Variants in PXDN observed in about 807,000 individuals in gnomAD.
PXDN encodes peroxidasin homolog.
In PXDN, 77 loss-of-function variants were observed where a neutral mutation model predicts 140.3. That is an observed-to-expected ratio of 0.55 (90% CI 0.46 to 0.66). The LOEUF (loss-of-function observed/expected upper bound fraction) is 0.66, where lower values mean the gene tolerates loss of function less well. Ranked by LOEUF, PXDN falls within the 30% of genes least tolerant of loss-of-function variation. The pLI, the probability that PXDN is intolerant of heterozygous loss-of-function variation, is 0.00. For missense variants in PXDN, 1,838 were observed against 2,039.5 expected, an observed-to-expected ratio of 0.90 and a Z score of 1.90; for synonymous variants, 911 against 857.4, an observed-to-expected ratio of 1.06 and a Z score of -1.09.
intron 18 of PXDN, among the ~76,000 whole-genome samples, chr2:1,643,925 A>C (rs1003628454): frequency 1.3e-5 from 2 of 151,846 alleles, no homozygotes; most frequent in African/African-American, 4.8e-5. Context: ...ACAAAAAATT[A>C]GCCGGGTGTG....
chr2:1,716,011 AG>A (rs2125474520), intron 1 of PXDN, among the ~76,000 whole-genome samples: 1 of 152,310 alleles, frequency 6.6e-6, no homozygotes, highest in African/African-American at 2.4e-5. Flanking sequence ...ATTTGACGGC[AG>A]GTGGTGGAGT....
At chr2:1,744,711 G>T (rs1353730288), upstream of PXDN, 1 of 304,928 alleles carries the variant, frequency 3.3e-6, no homozygotes, top group Non-Finnish European at 5.9e-6. Flanking sequence ...GCGCTCGGGG[G>T]CGCGGAGGAG....
intron 19 of PXDN, among the ~76,000 whole-genome samples, chr2:1,642,389 G>A (rs186025379): frequency 1.3e-5 from 2 of 152,320 alleles, no homozygotes; most frequent in African/African-American, 4.8e-5. Flanking sequence ...GGAAAAATGA[G>A]GTGGTGGAGA....
intron 19 of PXDN, among the ~76,000 whole-genome samples, chr2:1,640,777 C>A (rs1682707147): frequency 6.6e-6 from 1 of 152,228 alleles, no homozygotes; most frequent in Admixed American, 6.5e-5. Flanking sequence ...CAGGTGGGGT[C>A]CACCCAGGGC....
At chr2:1,653,433 C>A in intron 16 of PXDN, 195 bp downstream of exon 16, 1 of 830,514 alleles carries the variant, frequency 1.2e-6, no homozygotes, top group Non-Finnish European at 2.0e-6. Flanking sequence ...CCCAGAGATT[C>A]CTATTAAACC....
chr2:1,680,393 A>T (rs754893861), intron 6 of PXDN, 31 bp from the exon 7 acceptor site: 5 of 1,612,428 alleles, frequency 3.1e-6, no homozygotes, highest in South Asian at 1.1e-5. Flanking sequence ...CCGGTGAGAC[A>T]TGGGGTGGCT....
chr2:1,638,442 A>T (rs551918057), intron 21 of PXDN, among the ~76,000 whole-genome samples: 2 of 152,298 alleles, frequency 1.3e-5, no homozygotes, highest in South Asian at 2.1e-4. Context: ...TCAGTTGTGG[A>T]GGGCTGACCT....
chr2:1,682,804 G>T (rs888178236), intron 6 of PXDN, among the ~76,000 whole-genome samples: 1 of 152,142 alleles, frequency 6.6e-6, no homozygotes, highest in African/African-American at 2.4e-5. Flanking sequence ...GCCAGGCGTG[G>T]TCGCACGCGC....
At position 1,660,859 on chromosome 2, in the gene PXDN, A is replaced by G; in HGVS notation, c.1837+22T>C. 1 of 1,601,222 alleles carries G rather than the reference A, an allele frequency of 6.2e-7. No individual in the cohort carries two copies. The highest frequency in any genetic ancestry group is 8.5e-7 in the Non-Finnish European group (1 of 1,171,536). ...TTCTTTGTGGATACCATGTGGGTAG[A>G]TGTGGGCATGTGGCATCTTACCATT... On this transcript the variant is annotated intron_variant, in intron 14 of 22. Coordinates refer to ENST00000252804, the MANE Select transcript of PXDN (RefSeq NM_012293.3). The surrounding 1 kb of genome is among the most constrained non-coding windows in gnomAD (Gnocchi z 4.6).
chr2:1,690,941 T>C (rs1281197663), intron 3 of PXDN, among the ~76,000 whole-genome samples: 1 of 152,172 alleles, frequency 6.6e-6, no homozygotes, highest in East Asian at 1.9e-4. Flanking sequence ...GACGACTTTG[T>C]TTTAAAAATC....
intron 1 of PXDN, among the ~76,000 whole-genome samples, chr2:1,743,806 C>G (rs1215113105): frequency 7.7e-6 from 1 of 129,174 alleles, no homozygotes; most frequent in East Asian, 2.3e-4. Context: ...GGCTGCGCCG[C>G]GCTCGGGGAG....
rs1235363616 is a variant in PXDN at position 1,685,361 on chromosome 2, C to T, written c.417-1210G>A. 2.6e-5 allele frequency among the ~76,000 whole-genome samples: 4 copies of T among 152,334 alleles called. 1 individual carries two copies. Among genetic ancestry groups the T allele is most frequent in the South Asian group, 4.1e-4 (2 of 4,832 alleles). The stretch of plus-strand genomic sequence containing the variant: ...GCGAGCATGACGGGCGGGCACCTGA[C>T]GCGCGGGTCCCGAGGAAGGCCGAAC... On this transcript the variant is annotated intron_variant, in intron 4 of 22. Transcript: ENST00000252804. The surrounding 1 kb of genome is among the most constrained non-coding windows in gnomAD (Gnocchi z 5.1).
chr2:1,702,912 G>A (rs1355368000), intron 1 of PXDN, among the ~76,000 whole-genome samples: 1 of 151,650 alleles, frequency 6.6e-6, no homozygotes, highest in Non-Finnish European at 1.5e-5. Context: ...ATACATTTTA[G>A]GGAGGCACGA....
intron 6 of PXDN, among the ~76,000 whole-genome samples, chr2:1,682,983 G>T (rs1272686620): frequency 6.6e-6 from 1 of 152,162 alleles, no homozygotes; most frequent in Non-Finnish European, 1.5e-5. Context: ...GCTGTAGAAA[G>T]ACACAGAATA....
intron 1 of PXDN, among the ~76,000 whole-genome samples, chr2:1,726,636 C>CT (rs1047880537): frequency 1.3e-5 from 2 of 151,976 alleles, no homozygotes; most frequent in African/African-American, 4.8e-5. Context: ...TTTTAGCAAG[C>CT]TTGTTTGTTT....
chr2:1,655,216 A>T (rs1422850336), intron 14 of PXDN, among the ~76,000 whole-genome samples: 2 of 151,412 alleles, frequency 1.3e-5, no homozygotes, highest in Non-Finnish European at 2.9e-5. Context: ...ACAGAAACAC[A>T]TACCACACAC....
rs553719506 is a variant in PXDN, at chr2:1,685,652, G to A, written c.417-1501C>T. ...GGGTATTTCAAGCCCCACGGAGAGC[G>A]ATGGGTGTAAAAATCCCTCCACCCA... On this transcript the variant is annotated intron_variant, in intron 4 of 22. Coordinates refer to ENST00000252804, the MANE Select transcript of PXDN (RefSeq NM_012293.3). This position sits in a 1 kb window ranked among gnomAD's most constrained non-coding sequence, Gnocchi z 5.1. Among the ~76,000 whole-genome samples, 6 of 152,222 alleles carry A rather than the reference G, an allele frequency of 3.9e-5. No individual in the cohort carries two copies. Among genetic ancestry groups the A allele is most frequent in the South Asian group, 4.2e-4 (2 of 4,818 alleles).
chr2:1,657,675 GACCA>G, intron 14 of PXDN, among the ~76,000 whole-genome samples: 1 of 149,784 alleles, frequency 6.7e-6, no homozygotes. Context: ...TCCTGACAGG[GACCA>G]GCCCCTCCTG....
At chr2:1,658,249 A>C (rs868505243) in intron 14 of PXDN, among the ~76,000 whole-genome samples, 20 of 151,744 alleles carry the variant, frequency 1.3e-4, no homozygotes, top group African/African-American at 4.6e-4. Flanking sequence ...TTGTCTTCAA[A>C]TTTACACCAT....
Sources: allele counts gnomAD v4.1 joint callset (sites outside exome capture counted in the v4.1 genomes callset), GRCh38; gene constraint gnomAD v4.1.1; non-coding constraint Gnocchi (gnomAD v3.1); transcripts MANE v1.5; gene names NCBI Gene and HGNC (gene_info 2026-07-23, HGNC 2026-07-21).